DEF6: variants seen among roughly 807,000 people sequenced by gnomAD.
The protein encoded by DEF6 is DEF6 guanine nucleotide exchange factor, also known as differentially expressed in FDCP 6 homolog.
DEF6 carries 32 observed loss-of-function variants against 80.5 expected under a neutral mutation model. The ratio of observed to expected loss-of-function variants is 0.40; its 90% confidence interval spans 0.30 to 0.53. DEF6 has a LOEUF of 0.53. Ranked by LOEUF, DEF6 falls within the 20% of genes least tolerant of loss-of-function variation. The probability of loss-of-function intolerance (pLI) is 0.57; values close to 1 mark genes in which losing one functional copy is unlikely to be tolerated. For missense variants in DEF6, 575 were observed against 818.7 expected, an observed-to-expected ratio of 0.70 and a Z score of 3.63; for synonymous variants, 300 against 337.9, an observed-to-expected ratio of 0.89 and a Z score of 1.23.
intron 5 of DEF6, among the ~76,000 whole-genome samples, chr6:35,314,073 G>A (rs951449357): frequency 6.6e-6 from 1 of 152,194 alleles, no homozygotes; most frequent in East Asian, 1.9e-4. Context: ...GTTTATCAGG[G>A]TTCCCCTTTC....
At position 35,312,642 on chromosome 6, in the gene DEF6, G is replaced by A. The variant is rs1174960430; in HGVS notation, c.677G>A (p.Arg226Gln). ...GGCTGGCAGGGCTACCTGTGGAAGCGAGGGCACCTGAGAAGGAACTGGGCC... is the reference window on the plus strand; with the variant it reads ...GGCTGGCAGGGCTACCTGTGGAAGCAAGGGCACCTGAGAAGGAACTGGGCC... The part of the protein sequence containing the change: ...DVLKQGYLWK[R>Q]GHLRRNWAER... Residue 226 changes from arginine to glutamine, a missense_variant, in exon 5 of 11, where the codon CGA becomes CAA. Arg to Gln is a conservative substitution (Grantham distance 43, BLOSUM62 1). Coordinates refer to ENST00000316637, the MANE Select transcript of DEF6 (RefSeq NM_022047.4). The surrounding 1 kb of genome is among the most constrained non-coding windows in gnomAD (Gnocchi z 6.6). 3 of 1,614,176 alleles carry A rather than the reference G, an allele frequency of 1.9e-6. No individual in the cohort carries two copies. Among genetic ancestry groups the A allele is most frequent in the Non-Finnish European group, 2.5e-6 (3 of 1,180,020 alleles).
Position 35,309,793 on chromosome 6 carries a change from A to T in DEF6, c.220A>T (p.Lys74Ter), listed in dbSNP as rs746087773. 6.2e-7 allele frequency: 1 copy of T among 1,613,960 alleles called. No homozygotes were observed. ...CCAGGGATACATGCCCTACCTCAACAAGTACATCCTGGACAAGGTGGGGCC... is the reference window on the plus strand; with the variant it reads ...CCAGGGATACATGCCCTACCTCAACTAGTACATCCTGGACAAGGTGGGGCC... ...SSQGYMPYLN[K>*]YILDKVEEGA... Residue 74 changes from lysine to a stop codon, truncating the protein, a stop_gained, in exon 2 of 11, where the codon AAG becomes TAG. Coordinates refer to ENST00000316637, the MANE Select transcript of DEF6 (RefSeq NM_022047.4). LOFTEE classifies it high-confidence loss of function.
rs575437972 is a variant in DEF6 at position 35,321,246 on chromosome 6, C to T, written c.1732C>T (p.Arg578Cys). 1.2e-5 allele frequency: 19 copies of T among 1,613,618 alleles called. No individual in the cohort carries two copies. The highest frequency in any genetic ancestry group is 9.9e-5 in the South Asian group (9 of 91,042). Reference protein sequence around the residue: ...SGFQPPLLAHRDSSLKRLTRW... With the variant: ...SGFQPPLLAHCDSSLKRLTRW... ...CTTCCAGCCCCCTCTGCTTGCCCACCGTGACTCCTCCCTAAAGCGCCTGAC... is the reference window on the plus strand; with the variant it reads ...CTTCCAGCCCCCTCTGCTTGCCCACTGTGACTCCTCCCTAAAGCGCCTGAC... The change falls in exon 11 of 11, where the codon CGT (arginine) becomes TGT (cysteine). Residue 578 changes from arginine (R) to cysteine (C), a missense_variant. Physicochemically the swap from Arg to Cys is radical, Grantham distance 180. Coordinates refer to ENST00000316637, the MANE Select transcript of DEF6 (RefSeq NM_022047.4).
At chr6:35,298,325 T>A (rs941005620) in intron 1 of DEF6, among the ~76,000 whole-genome samples, 1 of 152,200 alleles carries the variant, frequency 6.6e-6, no homozygotes, top group African/African-American at 2.4e-5. Context: ...GTGCTCTTTC[T>A]TGCTGCTTCC....
chr6:35,299,263 G>C (rs1791281855), intron 1 of DEF6, among the ~76,000 whole-genome samples: 1 of 151,940 alleles, frequency 6.6e-6, no homozygotes. Flanking sequence ...CATTTGGTTG[G>C]GTCCTCAGTA....
In DEF6 at chr6:35,310,701, C is replaced by A. The variant is rs377677315; in HGVS notation, c.423+57C>A. On this transcript the variant is annotated intron_variant, in intron 3 of 10. Coordinates refer to ENST00000316637, the MANE Select transcript of DEF6 (RefSeq NM_022047.4). The stretch of plus-strand genomic sequence containing the variant: ...CACTTGGGACCAGACCTAAGCAAAA[C>A]CATGAATGAGACCAAACCACCTTTG... The A allele has an allele frequency of 1.6e-4, 257 of 1,593,464 alleles. 2 individuals carry two copies. In the East Asian group the frequency reaches 4.5e-3, roughly 28 times the overall value.
At chr6:35,299,619 A>G (rs1404402202) in intron 1 of DEF6, among the ~76,000 whole-genome samples, 1 of 152,188 alleles carries the variant, frequency 6.6e-6, no homozygotes, top group Non-Finnish European at 1.5e-5. Context: ...TACTCCATGG[A>G]GAGCTTGCAT....
At chr6:35,298,941 C>T (rs1418165013) in intron 1 of DEF6, among the ~76,000 whole-genome samples, 1 of 152,162 alleles carries the variant, frequency 6.6e-6, no homozygotes, top group East Asian at 1.9e-4. Flanking sequence ...GACGTGTGGT[C>T]TCAAGGAAAC....
chr6:35,319,526 C>T lies in DEF6; in HGVS notation c.1218C>T (p.Ala406=). The T allele has an allele frequency of 1.2e-6, 2 of 1,611,070 alleles. No homozygotes were observed. Among genetic ancestry groups the T allele is most frequent in the Admixed American group, 3.3e-5 (2 of 59,798 alleles). The change falls in exon 8 of 11, where the codon GCC becomes GCT. Residue 406 remains alanine (A), a splice_region_variant and synonymous_variant. Transcript: ENST00000316637. The surrounding 1 kb of genome is among the most constrained non-coding windows in gnomAD (Gnocchi z 4.5). ...LEGQLREAEQ[A]RASMQAEMEL... is the part of the protein sequence containing the mutation. Reference sequence around the variant, plus strand: ...TCCACCACCTCCCCCCTCCACAGGCCCGGGCCTCCATGCAGGCTGAGATGG... The same window carrying T: ...TCCACCACCTCCCCCCTCCACAGGCTCGGGCCTCCATGCAGGCTGAGATGG...
chr6:35,310,033 T>G (rs565053109), intron 2 of DEF6, among the ~76,000 whole-genome samples: 2 of 150,154 alleles, frequency 1.3e-5, no homozygotes, highest in East Asian at 2.0e-4. Flanking sequence ...TCTAATGAGG[T>G]GGGCCCCACC....
Position 35,310,409 on chromosome 6 carries a change from C to G in DEF6, c.238-50C>G, listed in dbSNP as rs140374568. 1.9e-4 allele frequency: 308 copies of G among 1,595,954 alleles called. No homozygotes were observed. The African/African-American group carries it at 3.2e-3, about 17-fold the overall frequency. Reference sequence around the variant, plus strand: ...AAGAAACCCAGCTGGAGCCTAGTGTCGTGGTAGAGCTGAGATATGCAGTCA... The same window carrying G: ...AAGAAACCCAGCTGGAGCCTAGTGTGGTGGTAGAGCTGAGATATGCAGTCA... On this transcript the variant is annotated intron_variant, in intron 2 of 10. Transcript: ENST00000316637.
In DEF6 at chr6:35,321,289, G is replaced by A. The variant is rs1482488843; in HGVS notation, c.1775G>A (p.Gly592Asp). ...LKRLTRWGSQ[G>D]NRTPSPNSNE... ...CGCCTGACCCGCTGGGGATCCCAGG[G>A]CAACAGGACCCCCTCGCCCAACAGC... The change falls in exon 11 of 11, where the codon GGC becomes GAC. Residue 592 changes from glycine (G) to aspartate (D), a missense_variant. Physicochemically the swap from Gly to Asp is moderately conservative, Grantham distance 94. Transcript: ENST00000316637. 5.0e-6 allele frequency: 8 copies of A among 1,613,928 alleles called. No individual in the cohort carries two copies. Among genetic ancestry groups the A allele is most frequent in the Non-Finnish European group, 6.8e-6 (8 of 1,179,996 alleles).
chr6:35,309,273 T>C (rs1271820894), intron 1 of DEF6, among the ~76,000 whole-genome samples: 1 of 152,194 alleles, frequency 6.6e-6, no homozygotes, highest in African/African-American at 2.4e-5. Context: ...TGTGGGTCTT[T>C]TGGCAAGTTA....
intron 10 of DEF6, 106 bp from the exon 11 acceptor site, chr6:35,321,081 G>A (rs1014422802): frequency 6.4e-7 from 1 of 1,551,250 alleles, no homozygotes; most frequent in Non-Finnish European, 8.9e-7. Context: ...GCAAAAGCAG[G>A]ACTGGCAGTC....
chr6:35,297,823 C>T lies in DEF6; in HGVS notation c.-34C>T. ...ATTTCCTGAAACCGGATCTTAGTGT[C>T]AGAGCCGCCCCCAGCCGGGCGGGCG... On this transcript the variant is annotated 5_prime_UTR_variant, in exon 1 of 11. Transcript: ENST00000316637. 1 of 1,549,260 alleles carries T rather than the reference C, an allele frequency of 6.5e-7. No homozygotes were observed. Among genetic ancestry groups the T allele is most frequent in the African/African-American group, 1.3e-5 (1 of 74,074 alleles).
Position 35,318,309 on chromosome 6 carries a change from G to A in DEF6, c.1053G>A (p.Gln351=), listed in dbSNP as rs1431617302. The change falls in exon 7 of 11, where the codon CAG becomes CAA. Residue 351 remains glutamine, a synonymous_variant. Transcript: ENST00000316637. The surrounding 1 kb of genome is among the most constrained non-coding windows in gnomAD (Gnocchi z 5.1). ...AAKEEELLRL[Q]QLQEEKERKL... is the part of the protein sequence containing the mutation. ...AGGAAGAGGAGCTGCTGCGGCTGCA[G>A]CAGCTGCAGGAGGAGAAGGAGCGGA... The A allele has an allele frequency of 1.9e-6, 3 of 1,551,156 alleles. No homozygotes were observed. The highest frequency in any genetic ancestry group is 1.2e-5 in the South Asian group (1 of 84,896).
chr6:35,299,380 C>T (rs1023609358), intron 1 of DEF6, among the ~76,000 whole-genome samples: 6 of 152,182 alleles, frequency 3.9e-5, no homozygotes, highest in South Asian at 2.1e-4. Context: ...TACCAGCCCC[C>T]GTGGCTTTTT....
At chr6:35,300,547 T>G (rs74336218) in intron 1 of DEF6, among the ~76,000 whole-genome samples, 2,401 of 152,364 alleles carry the variant, frequency 0.016, 56 homozygotes, top group African/African-American at 0.051. Flanking sequence ...GGAGTAGGGT[T>G]GTTTCTCCTG....
intron 10 of DEF6, 72 bp downstream of exon 10, chr6:35,321,046 G>C: frequency 6.3e-7 from 1 of 1,576,356 alleles, no homozygotes; most frequent in Non-Finnish European, 8.7e-7. Flanking sequence ...GTCTCCCTGG[G>C]AGACCTCCAG....
Sources: allele counts gnomAD v4.1 joint callset (sites outside exome capture counted in the v4.1 genomes callset), GRCh38; gene constraint gnomAD v4.1.1; non-coding constraint Gnocchi (gnomAD v3.1); transcripts MANE v1.5; gene names NCBI Gene and HGNC (gene_info 2026-07-23, HGNC 2026-07-21).